The following DPF3 variants were observed in gnomAD, a reference collection of about 807,000 sequenced individuals.
DPF3 encodes the protein zinc finger protein DPF3.
Under a neutral mutation model 56.8 loss-of-function variants are expected in DPF3, and 18 were observed. The observed-to-expected ratio is 0.32, with a 90% CI of 0.22 to 0.47. The LOEUF (loss-of-function observed/expected upper bound fraction) is 0.47, where lower values mean the gene tolerates loss of function less well. Ranked by LOEUF, DPF3 falls within the 20% of genes least tolerant of loss-of-function variation. DPF3 has a pLI of 1.00. For synonymous variants in DPF3, 188 were observed against 180.2 expected (o/e 1.04, Z -0.35); for missense variants, 403 against 488.8 (o/e 0.82, Z 1.65).
At chr14:72,856,734 G>A (rs1037827716) in intron 1 of DPF3, among the ~76,000 whole-genome samples, 2 of 152,216 alleles carry the variant, frequency 1.3e-5, no homozygotes, top group African/African-American at 4.8e-5. Flanking sequence ...CCCAAATCCA[G>A]AAGTATGAAT....
intron 9 of DPF3, among the ~76,000 whole-genome samples, chr14:72,625,658 G>C (rs780975298): frequency 5.3e-5 from 8 of 152,180 alleles, no homozygotes; most frequent in Non-Finnish European, 8.8e-5. Context: ...ATAAATGTAT[G>C]TGTAGGTACA....
At chr14:72,733,219 G>T (rs1889746153) in intron 3 of DPF3, among the ~76,000 whole-genome samples, 1 of 152,154 alleles carries the variant, frequency 6.6e-6, no homozygotes, top group South Asian at 2.1e-4. Context: ...TTTGATATGT[G>T]GTCCTTACCA....
At chr14:72,786,953 T>C (rs1317114368) in intron 1 of DPF3, among the ~76,000 whole-genome samples, 1 of 152,258 alleles carries the variant, frequency 6.6e-6, no homozygotes, top group Non-Finnish European at 1.5e-5. Flanking sequence ...CGCACAGCCC[T>C]AATTTCCTCC....
At chr14:72,813,249 C>T (rs1241766365) in intron 1 of DPF3, among the ~76,000 whole-genome samples, 5 of 152,052 alleles carry the variant, frequency 3.3e-5, no homozygotes, top group Admixed American at 6.5e-5. Flanking sequence ...TTCCGGGAGC[C>T]GTCTGGTAGC....
intron 1 of DPF3, among the ~76,000 whole-genome samples, chr14:72,795,991 C>T (rs1438738404): frequency 6.6e-6 from 1 of 152,176 alleles, no homozygotes; most frequent in Admixed American, 6.5e-5. Context: ...AATCTTTCTG[C>T]CTTCCAATTC....
intron 3 of DPF3, among the ~76,000 whole-genome samples, chr14:72,742,908 C>G (rs1890186128): frequency 6.6e-6 from 1 of 152,160 alleles, no homozygotes; most frequent in South Asian, 2.1e-4. Context: ...ACTCAAGTCC[C>G]TCCGCCTGGA....
chr14:72,836,874 A>C (rs1884318569), intron 1 of DPF3, among the ~76,000 whole-genome samples: 1 of 151,888 alleles, frequency 6.6e-6, no homozygotes, highest in South Asian at 2.1e-4. Context: ...GAATAAAATC[A>C]CTTTTTTCTT....
In DPF3 at chr14:72,793,254, A is replaced by G. The variant is rs551933925; in HGVS notation, c.33-21361T>C. On this transcript the variant is annotated intron_variant, in intron 1 of 10. Coordinates refer to ENST00000556509, the MANE Select transcript of DPF3 (RefSeq NM_001280542.3). ...GCAGCCATTGGCCATTTAACAAGGCAGCATTGCCCCATGTGGACTGGCTGG... is the reference window on the plus strand; with the variant it reads ...GCAGCCATTGGCCATTTAACAAGGCGGCATTGCCCCATGTGGACTGGCTGG... 1.6e-4 allele frequency among the ~76,000 whole-genome samples: 24 copies of G among 152,354 alleles called. No individual in the cohort carries two copies. The South Asian group carries it at 1.7e-3, about 11-fold the overall frequency.
At chr14:72,621,494 C>T (rs1884441063) in intron 9 of DPF3, among the ~76,000 whole-genome samples, 1 of 152,152 alleles carries the variant, frequency 6.6e-6, no homozygotes, top group East Asian at 1.9e-4. Context: ...TGTTGGAATC[C>T]CCAGGGAGCA....
chr14:72,698,117 T>C (rs1432204179), intron 6 of DPF3, among the ~76,000 whole-genome samples: 1 of 152,226 alleles, frequency 6.6e-6, no homozygotes, highest in Non-Finnish European at 1.5e-5. Context: ...CAAATCAAAA[T>C]TACAACCTTA....
intron 8 of DPF3, chr14:72,670,100 A>G: frequency 1.0e-6 from 1 of 985,874 alleles, no homozygotes; most frequent in Non-Finnish European, 1.2e-6. Context: ...CCTGGCAGGC[A>G]CTATAAAAAA....
chr14:72,765,648 TA>T (rs1272901856), intron 2 of DPF3, among the ~76,000 whole-genome samples: 2 of 152,154 alleles, frequency 1.3e-5, no homozygotes, highest in Non-Finnish European at 2.9e-5. Flanking sequence ...CCCTTGTCCC[TA>T]AAAAAGGGAG....
At chr14:72,772,422 T>C (rs1891572409) in intron 1 of DPF3, among the ~76,000 whole-genome samples, 1 of 152,126 alleles carries the variant, frequency 6.6e-6, no homozygotes, top group South Asian at 2.1e-4. Context: ...AGAAAAAACA[T>C]TCTATAAAAG....
intron 8 of DPF3, among the ~76,000 whole-genome samples, chr14:72,635,512 T>A (rs149803829): frequency 4.6e-5 from 7 of 152,216 alleles, no homozygotes; most frequent in African/African-American, 1.7e-4. Context: ...AGTTTCATAT[T>A]CACAGCTGCC....
At chr14:72,800,921 T>C (rs1892867852) in intron 1 of DPF3, among the ~76,000 whole-genome samples, 1 of 152,214 alleles carries the variant, frequency 6.6e-6, no homozygotes, top group South Asian at 2.1e-4. Context: ...CAGGGGGCCA[T>C]CTGACAATAT....
At chr14:72,738,489 G>A (rs1325077403) in intron 3 of DPF3, among the ~76,000 whole-genome samples, 3 of 152,064 alleles carry the variant, frequency 2.0e-5, no homozygotes, top group African/African-American at 4.8e-5. Context: ...CCCCCACCCC[G>A]AGATACAGAA....
chr14:72,694,695 A>G (rs1887835824), intron 6 of DPF3, among the ~76,000 whole-genome samples: 1 of 152,234 alleles, frequency 6.6e-6, no homozygotes, highest in African/African-American at 2.4e-5. Context: ...CACCAAAACA[A>G]TATCTTCAAA....
In DPF3 at chr14:72,807,891, G is replaced by A. The variant is rs562247179; in HGVS notation, c.33-35998C>T. Among the ~76,000 whole-genome samples the A allele has an allele frequency of 2.0e-5, 3 of 152,304 alleles. No individual in the cohort carries two copies. The South Asian group carries it at 6.2e-4, about 32-fold the overall frequency. ...GAGGCAGGAAGATCACTTGAGCCCT[G>A]GAGTTGGAGGCTGCAGTGAGTTATG... On this transcript the variant is annotated intron_variant, in intron 1 of 10. Coordinates refer to ENST00000556509, the MANE Select transcript of DPF3 (RefSeq NM_001280542.3).
At chr14:72,806,721 C>T (rs1882799534) in intron 1 of DPF3, 1 of 152,136 alleles carries the variant, frequency 6.6e-6, no homozygotes, top group African/African-American at 2.4e-5. Flanking sequence ...ATGTCCTTCC[C>T]ACCCCTAGTT....
Sources: allele counts gnomAD v4.1 joint callset (sites outside exome capture counted in the v4.1 genomes callset), GRCh38; gene constraint gnomAD v4.1.1; transcripts MANE v1.5; gene names NCBI Gene and HGNC (gene_info 2026-07-23, HGNC 2026-07-21).